The following SAR1B variants were observed in gnomAD, a reference collection of about 807,000 sequenced individuals.
SAR1B encodes small COPII coat GTPase SAR1B.
In SAR1B, 23 loss-of-function variants were observed where a neutral mutation model predicts 26.8. That is an observed-to-expected ratio of 0.86 (90% CI 0.62 to 1.22). The LOEUF (loss-of-function observed/expected upper bound fraction) is 1.22. Ranked by LOEUF, SAR1B falls within the 50% of genes most tolerant of loss-of-function variation. The pLI, the probability that SAR1B is intolerant of heterozygous loss-of-function variation, is 0.00. For synonymous variants in SAR1B, 65 were observed against 80.8 expected, an observed-to-expected ratio of 0.80 and a Z score of 1.05; for missense variants, 196 against 232.8, an observed-to-expected ratio of 0.84 and a Z score of 1.03.
chr5:134,621,995 A>AT (rs1238474686), intron 2 of SAR1B, among the ~76,000 whole-genome samples: 1 of 152,154 alleles, frequency 6.6e-6, no homozygotes, highest in Non-Finnish European at 1.5e-5. Context: ...AGGTGCTGGG[A>AT]TTATCAGCGT....
At chr5:134,621,678 G>C (rs1765411017) in intron 2 of SAR1B, among the ~76,000 whole-genome samples, 1 of 152,088 alleles carries the variant, frequency 6.6e-6, no homozygotes, top group Non-Finnish European at 1.5e-5. Flanking sequence ...TAGAAAAAAG[G>C]CAGCATTGAC....
chr5:134,614,787 T>A (rs2150051917), intron 3 of SAR1B: 1 of 152,340 alleles, frequency 6.6e-6, no homozygotes, highest in East Asian at 1.9e-4. Flanking sequence ...TTGGGTGTCC[T>A]CTCTTTGCAC....
chr5:134,608,844 C>G (rs888490519), intron 5 of SAR1B: 4 of 377,994 alleles, frequency 1.1e-5, no homozygotes, highest in Admixed American at 7.6e-5. Context: ...CTGACTGAAG[C>G]TCTAGAGAGA....
intron 3 of SAR1B, 45 bp downstream of exon 3, chr5:134,620,888 G>C (rs1254634845): frequency 6.2e-7 from 1 of 1,608,332 alleles, no homozygotes; most frequent in African/African-American, 1.3e-5. Flanking sequence ...ATATGACTCA[G>C]CATCATTTGA....
chr5:134,617,364 G>A lies in SAR1B; in HGVS notation c.178+3569C>T, dbSNP rs188111217. Among the ~76,000 whole-genome samples the A allele has an allele frequency of 3.3e-3, 504 of 152,228 alleles. 4 individuals carry two copies. Among genetic ancestry groups the A allele is most frequent in the Middle Eastern group, 0.024 (7 of 294 alleles). ...CTAGGAGTAGAACTGCCAGATCATA[G>A]GATATATGTAGGTTTTCACATATGC... is the stretch of plus-strand genomic sequence containing the variant. On this transcript the variant is annotated intron_variant, in intron 3 of 6. Transcript: ENST00000402673.
chr5:134,627,711 AT>A (rs903461463), intron 1 of SAR1B, among the ~76,000 whole-genome samples: 12 of 151,906 alleles, frequency 7.9e-5, no homozygotes, highest in Admixed American at 2.0e-4. Flanking sequence ...AGGCAGGAGA[AT>A]GGCGTGAAAC....
chr5:134,611,994 C>T (rs531407636), intron 4 of SAR1B, among the ~76,000 whole-genome samples: 1 of 152,296 alleles, frequency 6.6e-6, no homozygotes, highest in African/African-American at 2.4e-5. Flanking sequence ...GAGTGAGACC[C>T]TGTCTCTATA....
At chr5:134,609,710 T>C in intron 4 of SAR1B, 36 bp from the exon 5 acceptor site, 2 of 1,549,928 alleles carry the variant, frequency 1.3e-6, no homozygotes, top group Non-Finnish European at 1.8e-6. Flanking sequence ...GTTTACTTGT[T>C]GGTCAAACCC....
At position 134,604,182 on chromosome 5, in the gene SAR1B, A is replaced by G. The variant is rs924421889; in HGVS notation, c.*2768T>C. ...GTGAAACAGGTATGGGATCTCTTTA[A>G]AAGTGTAAAAGTGGGTTGAGACCTT... is the stretch of plus-strand genomic sequence containing the variant. On this transcript the variant is annotated 3_prime_UTR_variant, in exon 7 of 7. Coordinates refer to ENST00000402673, the MANE Select transcript of SAR1B (RefSeq NM_016103.4). The G allele has an allele frequency of 3.3e-5, 5 of 152,238 alleles. No individual in the cohort carries two copies. Among genetic ancestry groups the G allele is most frequent in the Non-Finnish European group, 7.3e-5 (5 of 68,046 alleles). The allele number at this position is 152,238 out of a possible 1,614,324, so 9.4% of individuals were successfully genotyped here. A position where few individuals can be genotyped will look rare whatever the true frequency, so the allele number is the denominator to read the frequency against.
rs949440829 is a variant in SAR1B, at chr5:134,605,458, A to C, written c.*1492T>G. On this transcript the variant is annotated 3_prime_UTR_variant, in exon 7 of 7. Transcript: ENST00000402673. Reference sequence around the variant, plus strand: ...TTTGAAAAACTAAAATTTTCTTAGTAAGCCTAGCAATGAGGCTTGCAGGCC... The same window carrying C: ...TTTGAAAAACTAAAATTTTCTTAGTCAGCCTAGCAATGAGGCTTGCAGGCC... 1.3e-5 allele frequency: 2 copies of C among 152,088 alleles called. No individual in the cohort carries two copies. The highest frequency in any genetic ancestry group is 2.9e-5 in the Non-Finnish European group (2 of 68,022). 9.4% of individuals were successfully genotyped at this position (152,088 alleles called of 1,614,324 possible).
At chr5:134,623,225 G>A (rs564644792) in intron 2 of SAR1B, among the ~76,000 whole-genome samples, 5 of 151,922 alleles carry the variant, frequency 3.3e-5, no homozygotes, top group South Asian at 2.1e-4. Flanking sequence ...CAGATCACTC[G>A]AGCTCAGGAG....
chr5:134,630,879 C>CTTTTTTTTTT (rs1169258258), intron 1 of SAR1B, among the ~76,000 whole-genome samples: 3 of 81,294 alleles, frequency 3.7e-5, no homozygotes, highest in Admixed American at 1.3e-4. Context: ...TTTTCTATTT[C>CTTTTTTTTTT]TTTTTTTTTC....
rs1765135396 is a variant in SAR1B, at chr5:134,606,843, C to T, written c.*107G>A. ...TTAATATTAATAATCTAAAAAACAT[C>T]TGTTTTATAACCAGCAAAAGTCTAT... On this transcript the variant is annotated 3_prime_UTR_variant, in exon 7 of 7. Transcript: ENST00000402673. The T allele has an allele frequency of 2.6e-6, 2 of 783,012 alleles. No homozygotes were observed. Among genetic ancestry groups the T allele is most frequent in the Non-Finnish European group, 4.7e-6 (2 of 428,070 alleles). 48.5% of individuals were successfully genotyped at this position (783,012 alleles called of 1,614,324 possible).
Position 134,605,217 on chromosome 5 carries a change from C to T in SAR1B, c.*1733G>A, listed in dbSNP as rs1765106656. The T allele has an allele frequency of 6.6e-6, 1 of 152,110 alleles. No individual in the cohort carries two copies. Among genetic ancestry groups the T allele is most frequent in the South Asian group, 2.1e-4 (1 of 4,824 alleles). 9.4% of individuals were successfully genotyped at this position (152,110 alleles called of 1,614,324 possible). ...AAAAGGACTGTAACTCTGACATGGA[C>T]AATGGCTACAGAAAACACTAATTTT... On this transcript the variant is annotated 3_prime_UTR_variant, in exon 7 of 7. Coordinates refer to ENST00000402673, the MANE Select transcript of SAR1B (RefSeq NM_016103.4).
At chr5:134,623,526 T>C (rs1765448561) in intron 2 of SAR1B, among the ~76,000 whole-genome samples, 1 of 119,872 alleles carries the variant, frequency 8.3e-6, no homozygotes, top group African/African-American at 3.1e-5. Context: ...AAAAAAGAAC[T>C]GCTGGGTAAA....
intron 1 of SAR1B, among the ~76,000 whole-genome samples, chr5:134,625,294 T>A (rs1197322271): frequency 6.6e-6 from 1 of 152,178 alleles, no homozygotes; most frequent in Non-Finnish European, 1.5e-5. Flanking sequence ...CAATCTGTGC[T>A]GATTTCCAAC....
intron 4 of SAR1B, among the ~76,000 whole-genome samples, chr5:134,611,798 G>A (rs1765218511): frequency 6.6e-6 from 1 of 152,120 alleles, no homozygotes; most frequent in East Asian, 1.9e-4. Context: ...ATGAACAAAA[G>A]CACAGAGGAA....
At chr5:134,629,880 T>G (rs188216115) in intron 1 of SAR1B, among the ~76,000 whole-genome samples, 416 of 145,928 alleles carry the variant, frequency 2.9e-3, no homozygotes, top group Admixed American at 4.3e-3. Context: ...GGCAACATTC[T>G]GTCTCAAAAA....
Position 134,606,839 on chromosome 5 carries a change from A to T in SAR1B, c.*111T>A. ...TGATTTAATATTAATAATCTAAAAAACATCTGTTTTATAACCAGCAAAAGT... is the reference window on the plus strand; with the variant it reads ...TGATTTAATATTAATAATCTAAAAATCATCTGTTTTATAACCAGCAAAAGT... On this transcript the variant is annotated 3_prime_UTR_variant, in exon 7 of 7. Transcript: ENST00000402673. The T allele has an allele frequency of 2.6e-6, 2 of 776,746 alleles. No individual in the cohort carries two copies. The highest frequency in any genetic ancestry group is 4.7e-6 in the Non-Finnish European group (2 of 423,124). The allele number at this position is 776,746 out of a possible 1,614,324, so 48.1% of individuals were successfully genotyped here.
Sources: allele counts gnomAD v4.1 joint callset (sites outside exome capture counted in the v4.1 genomes callset), GRCh38; gene constraint gnomAD v4.1.1; transcripts MANE v1.5; gene names NCBI Gene and HGNC (gene_info 2026-07-23, HGNC 2026-07-21).